Variants in RBM47 observed in about 807,000 individuals in gnomAD.
RBM47 encodes RNA-binding protein 47.
In RBM47, 21 loss-of-function variants were observed where a neutral mutation model predicts 47.1. The observed-to-expected ratio is 0.45, with a 90% CI of 0.32 to 0.64. The LOEUF (loss-of-function observed/expected upper bound fraction) is 0.64, where lower values mean the gene tolerates loss of function less well. Among genes scored for constraint, RBM47 ranks in the 30% least tolerant of loss-of-function variants. The probability of loss-of-function intolerance (pLI) is 0.05; values close to 1 mark genes in which losing one functional copy is unlikely to be tolerated. For synonymous variants in RBM47, 375 were observed against 361.7 expected, an observed-to-expected ratio of 1.04 and a Z score of -0.42; for missense variants, 708 against 870.9, an observed-to-expected ratio of 0.81 and a Z score of 2.35.
intron 1 of RBM47, among the ~76,000 whole-genome samples, chr4:40,614,081 C>G (rs1051479658): frequency 5.9e-5 from 9 of 152,104 alleles, no homozygotes; most frequent in African/African-American, 2.2e-4. Flanking sequence ...AACCACCAGT[C>G]TGGAACCATC....
intron 2 of RBM47, among the ~76,000 whole-genome samples, chr4:40,491,165 A>G (rs1405352394): frequency 6.6e-6 from 1 of 152,164 alleles, no homozygotes; most frequent in Non-Finnish European, 1.5e-5. Flanking sequence ...CAGGGAAAAA[A>G]CCCAAAACAT....
At chr4:40,614,367 T>TC (rs1443151457) in intron 1 of RBM47, among the ~76,000 whole-genome samples, 2 of 151,840 alleles carry the variant, frequency 1.3e-5, no homozygotes, top group Non-Finnish European at 2.9e-5. Flanking sequence ...GTCCAAAATC[T>TC]CCCCTCCCTT....
At chr4:40,501,870 T>A (rs1035092830) in intron 2 of RBM47, among the ~76,000 whole-genome samples, 1 of 151,990 alleles carries the variant, frequency 6.6e-6, no homozygotes, top group Non-Finnish European at 1.5e-5. Flanking sequence ...CAGATAAGAG[T>A]GAAATAAAGC....
At chr4:40,577,417 C>T (rs1314895418) in intron 1 of RBM47, among the ~76,000 whole-genome samples, 2 of 152,096 alleles carry the variant, frequency 1.3e-5, no homozygotes, top group Admixed American at 6.6e-5. Context: ...GCTGCCACCT[C>T]ACACAGGCAG....
intron 2 of RBM47, among the ~76,000 whole-genome samples, chr4:40,531,819 T>C (rs1727415686): frequency 6.6e-6 from 1 of 152,094 alleles, no homozygotes; most frequent in African/African-American, 2.4e-5. Context: ...GAATTAACAT[T>C]ATGACTTGAA....
At chr4:40,535,970 G>T (rs1265573555) in intron 2 of RBM47, among the ~76,000 whole-genome samples, 1 of 146,918 alleles carries the variant, frequency 6.8e-6, no homozygotes, top group East Asian at 2.0e-4. Flanking sequence ...CAGAGTGCTG[G>T]GATTACAGGC....
Position 40,437,816 on chromosome 4 carries a change from G to A in RBM47, c.1078C>T (p.Pro360Ser). Reference protein sequence around the residue: ...DPYTLAYYGYPYNALIGPNRD... With the variant: ...DPYTLAYYGYSYNALIGPNRD... ...TTGGGCCCAATGAGCGCGTTGTAGG[G>A]GTAGCCGTAGTAGGCCAGTGTGTAG... is the stretch of plus-strand genomic sequence containing the variant. The change falls in exon 4 of 7, where the codon CCC (proline) becomes TCC (serine). Residue 360 changes from proline to serine, a missense_variant. Coordinates refer to ENST00000295971, the MANE Select transcript of RBM47 (RefSeq NM_001098634.2). The A allele has an allele frequency of 1.2e-6, 2 of 1,612,118 alleles. No individual in the cohort carries two copies. Among genetic ancestry groups the A allele is most frequent in the Non-Finnish European group, 1.7e-6 (2 of 1,178,374 alleles).
intron 1 of RBM47, among the ~76,000 whole-genome samples, chr4:40,584,226 T>C (rs1733316550): frequency 6.6e-6 from 1 of 152,130 alleles, no homozygotes; most frequent in Admixed American, 6.5e-5. Flanking sequence ...GGCCTCCCAA[T>C]GTGCTAGGAT....
chr4:40,433,604 C>T (rs1380156966), intron 5 of RBM47, among the ~76,000 whole-genome samples: 1 of 152,142 alleles, frequency 6.6e-6, no homozygotes, highest in African/African-American at 2.4e-5. Flanking sequence ...TTCCTTCCTA[C>T]TCACCTCACT....
chr4:40,579,563 A>C (rs1263093857), intron 1 of RBM47, among the ~76,000 whole-genome samples: 1 of 152,110 alleles, frequency 6.6e-6, no homozygotes, highest in Non-Finnish European at 1.5e-5. Flanking sequence ...GATCTGACTT[A>C]AGTGGGAACT....
rs190043308 is a variant in RBM47, at chr4:40,603,472, G to A, written c.-240+25924C>T. Among the ~76,000 whole-genome samples the A allele has an allele frequency of 1.5e-3, 221 of 152,214 alleles. 1 individual carries two copies. Among genetic ancestry groups the A allele is most frequent in the African/African-American group, 5.0e-3 (206 of 41,536 alleles). ...TTTCTGTTGAGTATATAACCTAGGA[G>A]TGGAATCACTGAGTTATAATGTACA... On this transcript the variant is annotated intron_variant, in intron 1 of 6. Transcript: ENST00000295971.
chr4:40,491,812 CT>C, intron 2 of RBM47: 1 of 215,140 alleles, frequency 4.6e-6, no homozygotes, highest in Non-Finnish European at 9.6e-6. Flanking sequence ...GCTCTGAAGC[CT>C]ACCACCTTCA....
At chr4:40,566,529 C>T (rs1321587497) in intron 1 of RBM47, among the ~76,000 whole-genome samples, 3 of 151,914 alleles carry the variant, frequency 2.0e-5, no homozygotes, top group African/African-American at 7.2e-5. Context: ...CCTGTAATCC[C>T]AGCTACTCAG....
At chr4:40,521,678 C>T (rs1271745361) in intron 2 of RBM47, among the ~76,000 whole-genome samples, 1 of 152,172 alleles carries the variant, frequency 6.6e-6, no homozygotes, top group Non-Finnish European at 1.5e-5. Flanking sequence ...ATTATTTAGA[C>T]TTGAATATTT....
chr4:40,590,342 C>A (rs1297816680), intron 1 of RBM47, among the ~76,000 whole-genome samples: 1 of 151,982 alleles, frequency 6.6e-6, no homozygotes, highest in Admixed American at 6.6e-5. Flanking sequence ...TGACGGCAGG[C>A]CATGATCATG....
rs548511978 is a variant in RBM47 at position 40,622,252 on chromosome 4, G to C, written c.-240+7144C>G. Among the ~76,000 whole-genome samples, 6 of 152,318 alleles carry C rather than the reference G, an allele frequency of 3.9e-5. No homozygotes were observed. In the East Asian group the frequency reaches 1.2e-3, roughly 29 times the overall value. The stretch of plus-strand genomic sequence containing the variant: ...AGAGAAAGCAGGGTAGTGAGACAGA[G>C]GATGCGGGCAGGAAGGAGGAATTGC... On this transcript the variant is annotated intron_variant, in intron 1 of 6. Transcript: ENST00000295971.
chr4:40,606,577 C>T (rs1309098892), intron 1 of RBM47, among the ~76,000 whole-genome samples: 1 of 152,196 alleles, frequency 6.6e-6, no homozygotes, highest in South Asian at 2.1e-4. Flanking sequence ...CTCTGCAGCA[C>T]AGCTTGGTGG....
chr4:40,599,908 G>C (rs986615370), intron 1 of RBM47, among the ~76,000 whole-genome samples: 2 of 152,146 alleles, frequency 1.3e-5, no homozygotes, highest in African/African-American at 4.8e-5. Context: ...TGTACATCAA[G>C]AGATAACTGA....
At chr4:40,525,976 A>G (rs1449591110) in intron 2 of RBM47, among the ~76,000 whole-genome samples, 5 of 152,172 alleles carry the variant, frequency 3.3e-5, no homozygotes, top group Admixed American at 6.5e-5. Flanking sequence ...TGCCCATCCA[A>G]TCTAGATCCC....
Sources: allele counts gnomAD v4.1 joint callset (sites outside exome capture counted in the v4.1 genomes callset), GRCh38; gene constraint gnomAD v4.1.1; transcripts MANE v1.5; gene names NCBI Gene and HGNC (gene_info 2026-07-23, HGNC 2026-07-21).